Variants in SLC3A1 observed in about 807,000 individuals in gnomAD.
SLC3A1 encodes the protein amino acid transporter heavy chain SLC3A1.
Under a neutral mutation model 60.3 loss-of-function variants are expected in SLC3A1, and 78 were observed. That is an observed-to-expected ratio of 1.29 (90% CI 1.08 to 1.56). The LOEUF is 1.56. Ranked by LOEUF, SLC3A1 falls within the 40% of genes most tolerant of loss-of-function variation. SLC3A1 has a pLI of 0.00. For missense variants in SLC3A1, 1,172 were observed against 858.9 expected (o/e 1.36, Z -4.56); for synonymous variants, 392 against 307.9 (o/e 1.27, Z -2.86).
At chr2:44,308,335 A>G (rs922463190) in intron 7 of SLC3A1, among the ~76,000 whole-genome samples, 4 of 152,180 alleles carry the variant, frequency 2.6e-5, no homozygotes, top group African/African-American at 7.2e-5. Flanking sequence ...TGGGTACCTT[A>G]TATTTCCATG....
intron 8 of SLC3A1, 132 bp from the exon 9 acceptor site, chr2:44,313,703 C>T: frequency 1.2e-6 from 1 of 813,556 alleles, no homozygotes; most frequent in Non-Finnish European, 2.1e-6. Context: ...GCCTTTTCAT[C>T]ACAAATGCTA....
At chr2:44,291,258 T>C (rs758500058) in intron 4 of SLC3A1, among the ~76,000 whole-genome samples, 5 of 152,230 alleles carry the variant, frequency 3.3e-5, no homozygotes, top group Admixed American at 6.5e-5. Flanking sequence ...TGGTTTACAG[T>C]TGGTTTATCA....
At chr2:44,288,947 G>T (rs1012073669) in intron 4 of SLC3A1, among the ~76,000 whole-genome samples, 1 of 151,250 alleles carries the variant, frequency 6.6e-6, no homozygotes, top group Non-Finnish European at 1.5e-5. Context: ...TGATTCTTGC[G>T]CCTCAGCTTC....
chr2:44,304,232 TCAA>T lies in SLC3A1; in HGVS notation c.1230_1232del (p.Asn411del), dbSNP rs1283393820. ...TTTATCCAAGAAGCTGATTTTCCCT[TCAA>T]CAATTACCTCAGCATGCTAGACACT... On this transcript the variant is annotated inframe_deletion, in exon 7 of 10. Coordinates refer to ENST00000260649, the MANE Select transcript of SLC3A1 (RefSeq NM_000341.4). 1.9e-6 allele frequency: 3 copies of T among 1,614,088 alleles called. No individual in the cohort carries two copies. The South Asian group carries it at 3.3e-5, about 18-fold the overall frequency.
chr2:44,297,276 C>T (rs750682368), intron 4 of SLC3A1, among the ~76,000 whole-genome samples: 1 of 152,128 alleles, frequency 6.6e-6, no homozygotes, highest in Non-Finnish European at 1.5e-5. Flanking sequence ...GTGCCGGAGC[C>T]GGAGCAGGCC....
intron 7 of SLC3A1, among the ~76,000 whole-genome samples, chr2:44,311,036 C>G (rs2104381628): frequency 6.6e-6 from 1 of 152,240 alleles, no homozygotes; most frequent in Middle Eastern, 3.4e-3. Context: ...GCTCAAGCAT[C>G]TTCCTGCCTT....
In SLC3A1 at chr2:44,320,593, G is replaced by C. The variant is rs762511951; in HGVS notation, c.2012G>C (p.Arg671Pro). 1 of 1,613,758 alleles carries C rather than the reference G, an allele frequency of 6.2e-7. No homozygotes were observed. Among genetic ancestry groups the C allele is most frequent in the Non-Finnish European group, 8.5e-7 (1 of 1,179,944 alleles). The change falls in exon 10 of 10, where the codon CGA (arginine) becomes CCA (proline). Residue 671 changes from arginine to proline, a missense_variant. Arg to Pro is a moderately radical substitution (Grantham distance 103). Coordinates refer to ENST00000260649, the MANE Select transcript of SLC3A1 (RefSeq NM_000341.4). ...AFRDRCFVSNRACYSSVLNIL... is the reference protein window; with the variant it reads ...AFRDRCFVSNPACYSSVLNIL... ...AGAGATAGATGCTTTGTTTCCAATC[G>C]AGCATGCTATTCCAGTGTACTGAAC... is the stretch of plus-strand genomic sequence containing the variant.
At chr2:44,316,056 A>G (rs528976325) in intron 9 of SLC3A1, among the ~76,000 whole-genome samples, 6 of 152,160 alleles carry the variant, frequency 3.9e-5, no homozygotes, top group African/African-American at 7.2e-5. Context: ...CTACATCCCA[A>G]TGTCCCAAAG....
Position 44,277,449 on chromosome 2 carries a change from T to C in SLC3A1, c.430+1484T>C, listed in dbSNP as rs556722796. On this transcript the variant is annotated intron_variant, in intron 1 of 9. Coordinates refer to ENST00000260649, the MANE Select transcript of SLC3A1 (RefSeq NM_000341.4). The stretch of plus-strand genomic sequence containing the variant: ...AAAAATCATCCTGCATTGTCACTCA[T>C]TGAAGAAGAGTGTATCTGTCCTTCA... Among the ~76,000 whole-genome samples, 36 of 152,272 alleles carry C rather than the reference T, an allele frequency of 2.4e-4. No homozygotes were observed. In the Middle Eastern group the frequency reaches 0.01, roughly 43 times the overall value.
chr2:44,291,063 A>G (rs2104349563), intron 4 of SLC3A1, among the ~76,000 whole-genome samples: 1 of 152,300 alleles, frequency 6.6e-6, no homozygotes, highest in African/African-American at 2.4e-5. Context: ...TAAAGTCACC[A>G]TCCTTGGGAG....
intron 5 of SLC3A1, 56 bp downstream of exon 5, chr2:44,300,146 T>C (rs1671966341): frequency 6.3e-7 from 1 of 1,581,786 alleles, no homozygotes; most frequent in African/African-American, 1.3e-5. Context: ...GTCATCAGAG[T>C]GTTTTCTTTC....
In SLC3A1 at chr2:44,320,584, T is replaced by C; in HGVS notation, c.2003T>C (p.Val668Ala). 7 of 1,614,082 alleles carry C rather than the reference T, an allele frequency of 4.3e-6. No homozygotes were observed. The highest frequency in any genetic ancestry group is 5.1e-6 in the Non-Finnish European group (6 of 1,179,948). ...RQTAFRDRCF[V>A]SNRACYSSVL... ...ACAGCTTTCAGAGATAGATGCTTTG[T>C]TTCCAATCGAGCATGCTATTCCAGT... The change falls in exon 10 of 10, where the codon GTT becomes GCT. Residue 668 changes from valine (V) to alanine (A), a missense_variant. Physicochemically the swap from Val to Ala is moderately conservative, Grantham distance 64 (BLOSUM62 0). Transcript: ENST00000260649.
At chr2:44,313,014 A>G (rs1672338320) in intron 8 of SLC3A1, among the ~76,000 whole-genome samples, 1 of 152,106 alleles carries the variant, frequency 6.6e-6, no homozygotes, top group Non-Finnish European at 1.5e-5. Flanking sequence ...TGATAGGCAC[A>G]TTAAAATTTA....
intron 9 of SLC3A1, chr2:44,319,132 A>G (rs1012330033): frequency 6.6e-6 from 1 of 152,656 alleles, no homozygotes; most frequent in Non-Finnish European, 1.5e-5. Context: ...GACAAACAGA[A>G]TAAACATCTT....
At chr2:44,283,623 A>G (rs1671548289) in intron 3 of SLC3A1, among the ~76,000 whole-genome samples, 1 of 152,164 alleles carries the variant, frequency 6.6e-6, no homozygotes, top group Admixed American at 6.5e-5. Context: ...TCTTGCTTAT[A>G]GAATGATCAC....
chr2:44,289,781 C>T (rs1250163291), intron 4 of SLC3A1, among the ~76,000 whole-genome samples: 4 of 152,108 alleles, frequency 2.6e-5, no homozygotes, highest in South Asian at 2.1e-4. Context: ...TAGGTGCGCA[C>T]CACCATGCCC....
rs116684735 is a variant in SLC3A1 at position 44,304,360 on chromosome 2, G to T, written c.1332+22G>T. On this transcript the variant is annotated intron_variant, in intron 7 of 9. Transcript: ENST00000260649. Reference sequence around the variant, plus strand: ...GATGGTAAGTCCTCATGACAGCAGAGTACATAATGTGCTGCTGTTGCCTTT... The same window carrying T: ...GATGGTAAGTCCTCATGACAGCAGATTACATAATGTGCTGCTGTTGCCTTT... 7,744 of 1,558,954 alleles carry T rather than the reference G, an allele frequency of 5.0e-3. 341 individuals are homozygous for T. In the African/African-American group the frequency reaches 0.09, roughly 18 times the overall value.
intron 6 of SLC3A1, chr2:44,301,428 A>G (rs1467422692): frequency 1.7e-5 from 10 of 583,850 alleles, no homozygotes; most frequent in Non-Finnish European, 2.7e-5. Flanking sequence ...GCCATGAGCT[A>G]TTATTTTTTC....
intron 4 of SLC3A1, among the ~76,000 whole-genome samples, chr2:44,287,106 G>A (rs1213997914): frequency 6.6e-6 from 1 of 152,080 alleles, no homozygotes; most frequent in African/African-American, 2.4e-5. Flanking sequence ...TCTAAGCACT[G>A]GGAATGCAGC....
Sources: allele counts gnomAD v4.1 joint callset (sites outside exome capture counted in the v4.1 genomes callset), GRCh38; gene constraint gnomAD v4.1.1; transcripts MANE v1.5; gene names NCBI Gene and HGNC (gene_info 2026-07-23, HGNC 2026-07-21).